CSMD1: variants seen among roughly 807,000 people sequenced by gnomAD.
The protein encoded by CSMD1 is CUB and sushi domain-containing protein 1.
Under a neutral mutation model 417.5 loss-of-function variants are expected in CSMD1, and 213 were observed. The ratio of observed to expected loss-of-function variants is 0.51; its 90% CI spans 0.46 to 0.57. The LOEUF is 0.57. CSMD1 is among the 20% of genes least tolerant of loss of function. The pLI is 0.00. For missense variants in CSMD1, 6,923 were observed against 4,529.7 expected (o/e 1.53, Z -15.17); for synonymous variants, 2,862 against 1,736.8 (o/e 1.65, Z -16.11).
intron 5 of CSMD1, among the ~76,000 whole-genome samples, chr8:3,981,443 A>C (rs772427369): frequency 2.0e-5 from 3 of 151,230 alleles, no homozygotes; most frequent in South Asian, 2.1e-4. Context: ...ATCACCGCTA[A>C]AGAACTTACT....
At chr8:4,521,314 G>C (rs951281522) in intron 2 of CSMD1, among the ~76,000 whole-genome samples, 1 of 152,086 alleles carries the variant, frequency 6.6e-6, no homozygotes, top group African/African-American at 2.4e-5. Flanking sequence ...AATGAGTAAA[G>C]ATAGGAAATG....
In CSMD1 at chr8:3,611,054, G is replaced by A. The variant is rs536931947; in HGVS notation, c.1097+5656C>T. Among the ~76,000 whole-genome samples the A allele has an allele frequency of 5.3e-5, 7 of 132,270 alleles. No homozygotes were observed. The South Asian group carries it at 1.9e-3, about 35-fold the overall frequency. The allele number at this position is 132,270 out of a possible 152,430, so 86.8% of individuals were successfully genotyped here. On this transcript the variant is annotated intron_variant, in intron 8 of 69. Transcript: ENST00000635120. ...CAATGAGAACACATGGACACAGGAAGGGGAACATCACACTCTGCGAACTGT... is the reference window on the plus strand; with the variant it reads ...CAATGAGAACACATGGACACAGGAAAGGGAACATCACACTCTGCGAACTGT...
At chr8:3,686,003 T>G (rs1401827771) in intron 7 of CSMD1, among the ~76,000 whole-genome samples, 1 of 152,164 alleles carries the variant, frequency 6.6e-6, no homozygotes, top group Non-Finnish European at 1.5e-5. Flanking sequence ...TATTATTCTT[T>G]CTTTCTTTCT....
At chr8:3,155,357 GGA>G (rs1819451046) in intron 39 of CSMD1, among the ~76,000 whole-genome samples, 5 of 59,122 alleles carry the variant, frequency 8.5e-5, no homozygotes, top group South Asian at 6.6e-4. Context: ...ATCAAGGCTG[GGA>G]TTTTTTTTTT....
chr8:3,634,862 C>G (rs1377054089), intron 7 of CSMD1, among the ~76,000 whole-genome samples: 1 of 152,122 alleles, frequency 6.6e-6, no homozygotes, highest in Admixed American at 6.6e-5. Flanking sequence ...GCACTGTGCA[C>G]TTGCCCAATC....
At chr8:3,733,760 A>C (rs376529570) in intron 6 of CSMD1, among the ~76,000 whole-genome samples, 117 of 152,096 alleles carry the variant, frequency 7.7e-4, no homozygotes, top group African/African-American at 2.8e-3. Flanking sequence ...CCCTTATTTT[A>C]CTTGTACTTA....
At chr8:4,659,554 C>T (rs753884010) in intron 1 of CSMD1, among the ~76,000 whole-genome samples, 70 of 152,070 alleles carry the variant, frequency 4.6e-4, no homozygotes, top group Non-Finnish European at 7.1e-4. Flanking sequence ...ACAGACAGTA[C>T]AATTTCACAC....
intron 30 of CSMD1, among the ~76,000 whole-genome samples, chr8:3,206,573 G>GC (rs1797294400): frequency 7.0e-6 from 1 of 142,738 alleles, no homozygotes; most frequent in Non-Finnish European, 1.5e-5. Flanking sequence ...GTATGTGTGT[G>GC]TGTGTGTATG....
chr8:3,273,257 T>C lies in CSMD1; in HGVS notation c.4153+10887A>G, dbSNP rs868530939. Among the ~76,000 whole-genome samples, 1,486 of 151,772 alleles carry C rather than the reference T, an allele frequency of 9.8e-3. 10 individuals are homozygous for C. The highest frequency in any genetic ancestry group is 0.021 in the Middle Eastern group (6 of 292). On this transcript the variant is annotated intron_variant, in intron 26 of 69. Coordinates refer to ENST00000635120, the MANE Select transcript of CSMD1 (RefSeq NM_033225.6). ...ATTTATAGATTTGCGTATATTGAAC[T>C]AGCCTTGCATCCCAGGGATGAAGCC...
chr8:4,455,755 AC>A (rs1799428969), intron 2 of CSMD1, among the ~76,000 whole-genome samples: 1 of 151,544 alleles, frequency 6.6e-6, no homozygotes, highest in Admixed American at 6.6e-5. Flanking sequence ...ACATGGTGAA[AC>A]CCCGTCTCTA....
At chr8:4,813,094 A>C (rs983107647) in intron 1 of CSMD1, among the ~76,000 whole-genome samples, 1 of 152,238 alleles carries the variant, frequency 6.6e-6, no homozygotes, top group Non-Finnish European at 1.5e-5. Context: ...CATGATTTAC[A>C]TAGTTGAGAA....
chr8:3,869,067 G>A (rs111378606), intron 5 of CSMD1, among the ~76,000 whole-genome samples: 37 of 152,264 alleles, frequency 2.4e-4, no homozygotes, highest in Non-Finnish European at 4.4e-4. Flanking sequence ...TGGCTGCCAC[G>A]CTGACATGAC....
chr8:3,306,981 TA>T lies in CSMD1; in HGVS notation c.3950+713del, dbSNP rs1804909089. Among the ~76,000 whole-genome samples the T allele has an allele frequency of 5.9e-5, 9 of 152,278 alleles. 1 individual carries two copies. The South Asian group carries it at 1.9e-3, about 32-fold the overall frequency. ...TGAAATTTGCAATGATTTTCTTTTA[TA>T]TGTGTTACTTTAGAGTACTTTCTTG... On this transcript the variant is annotated intron_variant, in intron 25 of 69. Transcript: ENST00000635120.
At chr8:3,263,066 G>A (rs1361650798) in intron 26 of CSMD1, among the ~76,000 whole-genome samples, 4 of 152,124 alleles carry the variant, frequency 2.6e-5, no homozygotes, top group East Asian at 3.9e-4. Context: ...CCTACTTTGT[G>A]TAATAATTGT....
Position 4,824,582 on chromosome 8 carries a change from T to G in CSMD1, c.85+169750A>C, listed in dbSNP as rs1005677253. On this transcript the variant is annotated intron_variant, in intron 1 of 69. Coordinates refer to ENST00000635120, the MANE Select transcript of CSMD1 (RefSeq NM_033225.6). ...ACGGAAACAGTCTCAAACAAGACAG[T>G]CTTTCAATTTCAAAGGAATTAGTTG... Among the ~76,000 whole-genome samples, 4 of 152,172 alleles carry G rather than the reference T, an allele frequency of 2.6e-5. No homozygotes were observed. The East Asian group carries it at 7.7e-4, about 29-fold the overall frequency.
At chr8:3,099,740 G>C (rs1189368741) in intron 46 of CSMD1, among the ~76,000 whole-genome samples, 1 of 152,162 alleles carries the variant, frequency 6.6e-6, no homozygotes, top group African/African-American at 2.4e-5. Flanking sequence ...AGCATTTTAA[G>C]CATAGCCATT....
At chr8:4,193,062 T>C (rs1357024238) in intron 3 of CSMD1, among the ~76,000 whole-genome samples, 1 of 152,218 alleles carries the variant, frequency 6.6e-6, no homozygotes, top group African/African-American at 2.4e-5. Flanking sequence ...GTATTTATCT[T>C]ATTTGAAATA....
At position 3,778,280 on chromosome 8, in the gene CSMD1, T is replaced by C. The variant is rs564340139; in HGVS notation, c.819-24238A>G. Among the ~76,000 whole-genome samples the C allele has an allele frequency of 6.0e-4, 92 of 152,344 alleles. 1 individual carries two copies. Among genetic ancestry groups the C allele is most frequent in the African/African-American group, 2.1e-3 (87 of 41,586 alleles). ...CTATCACATTCTATTTGCCTGTCAGTAGTTTACCATTTAAAAGGGTATCTT... is the reference window on the plus strand; with the variant it reads ...CTATCACATTCTATTTGCCTGTCAGCAGTTTACCATTTAAAAGGGTATCTT... On this transcript the variant is annotated intron_variant, in intron 5 of 69. Coordinates refer to ENST00000635120, the MANE Select transcript of CSMD1 (RefSeq NM_033225.6).
intron 3 of CSMD1, among the ~76,000 whole-genome samples, chr8:4,112,343 A>C (rs559682678): frequency 1.3e-5 from 2 of 152,302 alleles, no homozygotes; most frequent in East Asian, 3.9e-4. Context: ...CAGGCCTGTG[A>C]TGAGGCTAGG....
Sources: gnomAD v4.1 joint callset for allele counts (sites outside exome capture counted in the v4.1 genomes callset) on GRCh38, gnomAD v4.1.1 for gene constraint, MANE v1.5 for transcripts, NCBI Gene and HGNC (gene_info 2026-07-23, HGNC 2026-07-21) for gene names.